Variants in FGF12 observed in about 807,000 individuals in gnomAD.
The protein encoded by FGF12 is fibroblast growth factor 12B.
In FGF12, 14 loss-of-function variants were observed where a neutral mutation model predicts 23.6. The ratio of observed to expected loss-of-function variants is 0.59; its 90% confidence interval spans 0.39 to 0.93. The LOEUF (loss-of-function observed/expected upper bound fraction) is 0.93. Ranked by LOEUF, FGF12 falls within the 40% of genes least tolerant of loss-of-function variation. The probability of loss-of-function intolerance (pLI) is 0.00; values close to 1 mark genes in which losing one functional copy is unlikely to be tolerated. For synonymous variants in FGF12, 62 were observed against 77.3 expected (o/e 0.80, Z 1.04); for missense variants, 175 against 217.8 (o/e 0.80, Z 1.24).
chr3:192,551,511 C>G (rs1711527158), intron 2 of FGF12, among the ~76,000 whole-genome samples: 1 of 152,206 alleles, frequency 6.6e-6, no homozygotes, highest in South Asian at 2.1e-4. Flanking sequence ...AGACATTAAA[C>G]AGTGCTCATA....
rs530290577 is a variant in FGF12 at position 192,309,163 on chromosome 3, C to T, written c.228+26198G>A. Reference sequence around the variant, plus strand: ...ACTATAAAAAATAACATGCAGAGTGCAAAGGAAGAGAATAAAATGAAGAGC... The same window carrying T: ...ACTATAAAAAATAACATGCAGAGTGTAAAGGAAGAGAATAAAATGAAGAGC... On this transcript the variant is annotated intron_variant, in intron 4 of 5. Coordinates refer to ENST00000445105, the MANE Select transcript of FGF12 (RefSeq NM_004113.6). 3.9e-5 allele frequency among the ~76,000 whole-genome samples: 6 copies of T among 152,080 alleles called. No homozygotes were observed. The South Asian group carries it at 1.2e-3, about 32-fold the overall frequency.
chr3:192,277,582 A>G (rs985605835), intron 4 of FGF12, among the ~76,000 whole-genome samples: 1 of 152,140 alleles, frequency 6.6e-6, no homozygotes, highest in African/African-American at 2.4e-5. Flanking sequence ...CTGGGTAACT[A>G]TGAGTATTGC....
At chr3:192,531,823 A>C (rs1370269148) in intron 2 of FGF12, among the ~76,000 whole-genome samples, 2 of 152,072 alleles carry the variant, frequency 1.3e-5, no homozygotes, top group African/African-American at 4.8e-5. Context: ...TTTGCTTAGG[A>C]GGTGTTAATC....
In FGF12 at chr3:192,181,629, GTTT is replaced by G. The variant is rs72218051; in HGVS notation, c.229-10976_229-10974del. ...ATGTTAAAATTAAGAGAAGTAATTT[GTTT>G]TTTTTTTTTTTTTTTGACACAGGGT... is the stretch of plus-strand genomic sequence containing the variant. On this transcript the variant is annotated intron_variant, in intron 4 of 5. Transcript: ENST00000445105. 1.8e-3 allele frequency among the ~76,000 whole-genome samples: 226 copies of G among 127,364 alleles called. 8 individuals carry two copies. In the East Asian group the frequency reaches 0.04, roughly 22 times the overall value. 83.6% of individuals were successfully genotyped at this position (127,364 alleles called of 152,430 possible).
chr3:192,420,825 A>G (rs867595293), intron 2 of FGF12, among the ~76,000 whole-genome samples: 8 of 152,224 alleles, frequency 5.3e-5, no homozygotes, highest in Admixed American at 2.0e-4. Flanking sequence ...AATTATTGGC[A>G]AAAAGAAAGA....
chr3:192,380,450 C>T (rs1452360494), intron 2 of FGF12, among the ~76,000 whole-genome samples: 1 of 152,148 alleles, frequency 6.6e-6, no homozygotes, highest in Non-Finnish European at 1.5e-5. Flanking sequence ...TAACAAACCA[C>T]ATTCTAGAAT....
In FGF12 at chr3:192,638,135, T is replaced by C. The variant is rs148825366; in HGVS notation, c.13+89046A>G. ...GTGTCTATATATGTGTGTGTATATA[T>C]GTACATATATAAATAATAGCAGAGT... On this transcript the variant is annotated intron_variant, in intron 2 of 5. Coordinates refer to ENST00000445105, the MANE Select transcript of FGF12 (RefSeq NM_004113.6). Among the ~76,000 whole-genome samples, 1,103 of 152,290 alleles carry C rather than the reference T, an allele frequency of 7.2e-3. 12 individuals are homozygous for C. The highest frequency in any genetic ancestry group is 0.017 in the Middle Eastern group (5 of 294).
intron 5 of FGF12, among the ~76,000 whole-genome samples, chr3:192,167,764 T>TATATAA (rs1431905939): frequency 3.1e-5 from 1 of 32,390 alleles, no homozygotes. Context: ...TATATATATA[T>TATATAA]ATATAAAATT....
At chr3:192,659,318 T>A (rs1716565428) in intron 2 of FGF12, among the ~76,000 whole-genome samples, 1 of 152,180 alleles carries the variant, frequency 6.6e-6, no homozygotes, top group African/African-American at 2.4e-5. Flanking sequence ...AAAACTAAAC[T>A]GATAATATCT....
At chr3:192,213,701 T>G (rs1453417394) in intron 4 of FGF12, among the ~76,000 whole-genome samples, 1 of 152,220 alleles carries the variant, frequency 6.6e-6, no homozygotes, top group Admixed American at 6.5e-5. Context: ...TCCAGAGAGT[T>G]GAAGAACCAT....
chr3:192,602,138 CAATTCT>C (rs1387923696), intron 2 of FGF12, among the ~76,000 whole-genome samples: 1 of 152,060 alleles, frequency 6.6e-6, no homozygotes, highest in Non-Finnish European at 1.5e-5. Flanking sequence ...TTCACCAATT[CAATTCT>C]AACAAATGTC....
intron 4 of FGF12, among the ~76,000 whole-genome samples, chr3:192,330,300 T>C (rs1260663772): frequency 6.6e-6 from 1 of 152,080 alleles, no homozygotes; most frequent in Non-Finnish European, 1.5e-5. Flanking sequence ...TAAATAAAGC[T>C]GTAGGTCGCA....
At chr3:192,610,542 C>T (rs1363453757) in intron 2 of FGF12, among the ~76,000 whole-genome samples, 1 of 151,988 alleles carries the variant, frequency 6.6e-6, no homozygotes, top group Non-Finnish European at 1.5e-5. Context: ...ATTGCAATTG[C>T]TTTCTGCCTG....
chr3:192,394,243 C>T (rs1720426521), intron 2 of FGF12, among the ~76,000 whole-genome samples: 1 of 152,160 alleles, frequency 6.6e-6, no homozygotes, highest in African/African-American at 2.4e-5. Flanking sequence ...GAGGTCCAAA[C>T]TTATGTAATG....
chr3:192,653,300 T>C (rs576777469), intron 2 of FGF12, among the ~76,000 whole-genome samples: 2 of 152,338 alleles, frequency 1.3e-5, no homozygotes, highest in Admixed American at 6.5e-5. Flanking sequence ...GCTCTTGTTT[T>C]TGAGGCATTC....
intron 4 of FGF12, among the ~76,000 whole-genome samples, chr3:192,282,367 C>T (rs903260089): frequency 3.3e-5 from 5 of 152,098 alleles, no homozygotes; most frequent in Non-Finnish European, 5.9e-5. Context: ...TTCTTAAATA[C>T]ACAACATGCC....
chr3:192,358,697 C>T (rs1017090451), intron 3 of FGF12, among the ~76,000 whole-genome samples: 1 of 152,188 alleles, frequency 6.6e-6, no homozygotes, highest in Non-Finnish European at 1.5e-5. Context: ...ACCCTTCTGT[C>T]TCTGCCCCAT....
Position 192,480,630 on chromosome 3 carries a change from G to A in FGF12, c.14-120092C>T, listed in dbSNP as rs558332103. 5.9e-5 allele frequency among the ~76,000 whole-genome samples: 9 copies of A among 152,218 alleles called. No individual in the cohort carries two copies. The South Asian group carries it at 1.7e-3, about 28-fold the overall frequency. ...ACTCATTGCTAAATGCAGAAAGCAT[G>A]TATCTCACTATGGGGAAACACTGAG... On this transcript the variant is annotated intron_variant, in intron 2 of 5. Coordinates refer to ENST00000445105, the MANE Select transcript of FGF12 (RefSeq NM_004113.6).
chr3:192,504,539 T>C (rs537796746), intron 2 of FGF12, among the ~76,000 whole-genome samples: 1 of 152,176 alleles, frequency 6.6e-6, no homozygotes, highest in Non-Finnish European at 1.5e-5. Flanking sequence ...AAGAGAAAAC[T>C]TTTGTGTGTT....
Sources: gnomAD v4.1 joint callset for allele counts (sites outside exome capture counted in the v4.1 genomes callset) on GRCh38, gnomAD v4.1.1 for gene constraint, MANE v1.5 for transcripts, NCBI Gene and HGNC (gene_info 2026-07-23, HGNC 2026-07-21) for gene names.